Variants in ARHGEF10L observed in about 807,000 individuals in gnomAD.
The protein encoded by ARHGEF10L is Rho guanine nucleotide exchange factor 10 like, also known as rho guanine nucleotide exchange factor 10-like protein.
Under a neutral mutation model 141.2 loss-of-function variants are expected in ARHGEF10L, and 69 were observed. The observed-to-expected ratio is 0.49, with a 90% CI of 0.40 to 0.60. The LOEUF is 0.60. Ranked by LOEUF, ARHGEF10L falls within the 20% of genes least tolerant of loss-of-function variation. ARHGEF10L has a pLI of 0.00. For synonymous variants in ARHGEF10L, 711 were observed against 718.5 expected (o/e 0.99, Z 0.17); for missense variants, 1,482 against 1,734.3 (o/e 0.85, Z 2.58).
At chr1:17,546,626 G>T (rs1409648491) in intron 1 of ARHGEF10L, among the ~76,000 whole-genome samples, 1 of 152,154 alleles carries the variant, frequency 6.6e-6, no homozygotes, top group Non-Finnish European at 1.5e-5. Flanking sequence ...CCTTTGAGGA[G>T]GGGAGGGAGA....
chr1:17,612,326 G>A (rs928553178), intron 7 of ARHGEF10L, among the ~76,000 whole-genome samples: 11 of 151,470 alleles, frequency 7.3e-5, no homozygotes, highest in East Asian at 3.9e-4. Context: ...TTCTCCTACC[G>A]TCCATCCATC....
At chr1:17,632,529 C>G in intron 16 of ARHGEF10L, 63 bp downstream of exon 16, 3 of 1,605,352 alleles carry the variant, frequency 1.9e-6, no homozygotes, top group South Asian at 1.1e-5. Flanking sequence ...CCGCCCTACT[C>G]CAGTCTCTTG....
In ARHGEF10L at chr1:17,664,559, G is replaced by C. The variant is rs2062850288; in HGVS notation, c.2973G>C (p.Arg991=). The C allele has an allele frequency of 1.2e-6, 2 of 1,606,156 alleles. No homozygotes were observed. Among genetic ancestry groups the C allele is most frequent in the Non-Finnish European group, 1.7e-6 (2 of 1,178,442 alleles). ...EDAVWASCGP[R]VTVLEATTLQ... is the part of the protein sequence containing the mutation. ...CCGTGTGGGCCAGCTGTGGGCCCCG[G>C]GTCACTGTCCTGGAAGCCACCACCC... is the stretch of plus-strand genomic sequence containing the variant. The change falls in exon 26 of 29, where the codon CGG becomes CGC. Residue 991 remains arginine (R), a synonymous_variant. Coordinates refer to ENST00000361221, the MANE Select transcript of ARHGEF10L (RefSeq NM_018125.4).
chr1:17,540,534 G>C (rs2076686420), intron 1 of ARHGEF10L, among the ~76,000 whole-genome samples: 1 of 152,168 alleles, frequency 6.6e-6, no homozygotes, highest in African/African-American at 2.4e-5. Flanking sequence ...TATATGTCAG[G>C]GAGGGCCCTA....
At chr1:17,525,583 C>T in the ARHGEF10L span, among the ~76,000 whole-genome samples, 1 of 152,162 alleles carries the variant, frequency 6.6e-6, no homozygotes, top group Non-Finnish European at 1.5e-5. Flanking sequence ...CGCCTGAGTC[C>T]AGAAGTTCAA....
chr1:17,610,568 G>A (rs1022725072), intron 7 of ARHGEF10L, among the ~76,000 whole-genome samples: 3 of 152,230 alleles, frequency 2.0e-5, no homozygotes, highest in African/African-American at 7.2e-5. Context: ...GGACTCTACT[G>A]AGCCTGCCTG....
chr1:17,616,580 C>T (rs961774210), intron 9 of ARHGEF10L, among the ~76,000 whole-genome samples: 2 of 152,350 alleles, frequency 1.3e-5, no homozygotes, highest in South Asian at 2.1e-4. Context: ...CTGACATTTA[C>T]GGAATCCTAC....
At chr1:17,551,927 TC>T (rs2077126917) in intron 1 of ARHGEF10L, among the ~76,000 whole-genome samples, 1 of 152,098 alleles carries the variant, frequency 6.6e-6, no homozygotes, top group African/African-American at 2.4e-5. Flanking sequence ...CCGTCCACAG[TC>T]CCCGTGTGGC....
chr1:17,627,655 G>A lies in ARHGEF10L; in HGVS notation c.1584+152G>A. 2.2e-6 allele frequency: 2 copies of A among 919,136 alleles called. No homozygotes were observed. The highest frequency in any genetic ancestry group is 3.2e-6 in the Non-Finnish European group (2 of 625,490). 56.9% of individuals were successfully genotyped at this position (919,136 alleles called of 1,614,324 possible). A position where few individuals can be genotyped will look rare whatever the true frequency, so the allele number is the denominator to read the frequency against. ...TCCAAGGATGTGACCTTGGGGATTGGATCCTCAGCGGGACCCCCACGTTCA... is the reference window on the plus strand; with the variant it reads ...TCCAAGGATGTGACCTTGGGGATTGAATCCTCAGCGGGACCCCCACGTTCA... On this transcript the variant is annotated intron_variant, in intron 15 of 28. Transcript: ENST00000361221. The surrounding 1 kb of genome is among the most constrained non-coding windows in gnomAD (Gnocchi z 4.0).
intron 16 of ARHGEF10L, 113 bp from the exon 17 acceptor site, chr1:17,634,435 C>T: frequency 1.3e-6 from 2 of 1,560,540 alleles, no homozygotes; most frequent in African/African-American, 1.4e-5. Flanking sequence ...GGCTGTCTCT[C>T]CTTCTATTCC....
At chr1:17,696,782 A>T in intron 28 of ARHGEF10L, 66 bp from the exon 29 acceptor site, 2 of 1,426,276 alleles carry the variant, frequency 1.4e-6, no homozygotes, top group Non-Finnish European at 1.9e-6. Context: ...CAGGAGAGAG[A>T]CTCAGGTGCT....
chr1:17,517,174 C>G, the ARHGEF10L span, among the ~76,000 whole-genome samples: 2 of 152,144 alleles, frequency 1.3e-5, no homozygotes, highest in Admixed American at 1.3e-4. Context: ...TGGATTTGGT[C>G]AGCCCTTCAT....
At chr1:17,580,471 G>T (rs900240377) in intron 1 of ARHGEF10L, 82 bp from the exon 2 acceptor site, 11 of 1,265,572 alleles carry the variant, frequency 8.7e-6, no homozygotes, top group Non-Finnish European at 2.3e-6. Flanking sequence ...TGAAGCACAG[G>T]TTGTGAGCCA....
the ARHGEF10L span, among the ~76,000 whole-genome samples, chr1:17,521,797 T>C: frequency 2.6e-5 from 4 of 151,982 alleles, no homozygotes; most frequent in Admixed American, 2.6e-4. Context: ...CATAGGAGAA[T>C]GGGGCTTCCT....
At chr1:17,666,079 A>G (rs1178351812) in intron 26 of ARHGEF10L, among the ~76,000 whole-genome samples, 1 of 152,346 alleles carries the variant, frequency 6.6e-6, no homozygotes, top group African/African-American at 2.4e-5. Context: ...AGGCTTCAGC[A>G]GATTGGGTGA....
At chr1:17,548,421 G>T (rs1163581633) in intron 1 of ARHGEF10L, among the ~76,000 whole-genome samples, 1 of 152,112 alleles carries the variant, frequency 6.6e-6, no homozygotes, top group Admixed American at 6.6e-5. Flanking sequence ...ACTCTTAGGG[G>T]TCAGTAAATT....
chr1:17,629,200 T>C (rs1376827187), intron 15 of ARHGEF10L, among the ~76,000 whole-genome samples: 2 of 151,650 alleles, frequency 1.3e-5, no homozygotes, highest in African/African-American at 2.4e-5. Flanking sequence ...AATTTTTTTT[T>C]TTTTTTTGTA....
In ARHGEF10L at chr1:17,588,456, A is replaced by G. The variant is rs770460733; in HGVS notation, c.234A>G (p.Pro78=). The G allele has an allele frequency of 2.5e-6, 4 of 1,613,976 alleles. No individual in the cohort carries two copies. The highest frequency in any genetic ancestry group is 2.7e-5 in the African/African-American group (2 of 75,018). ...LDSIPVTDPD[P]AAAPPGTGVP... ...GCTCTTCTTTTGCAGACCCAGACCC[A>G]GCAGCTGCTCCACCCGGCACAGGGT... Residue 78 remains proline, a synonymous_variant, in exon 4 of 29, where the codon CCA becomes CCG. Transcript: ENST00000361221.
chr1:17,593,085 C>T (rs1165691331), intron 4 of ARHGEF10L, among the ~76,000 whole-genome samples: 1 of 152,148 alleles, frequency 6.6e-6, no homozygotes, highest in Non-Finnish European at 1.5e-5. Context: ...ACAGCCTCTT[C>T]ATTGAAGAAG....
Sources: allele counts gnomAD v4.1 joint callset (sites outside exome capture counted in the v4.1 genomes callset), GRCh38; gene constraint gnomAD v4.1.1; non-coding constraint Gnocchi (gnomAD v3.1); transcripts MANE v1.5; gene names NCBI Gene and HGNC (gene_info 2026-07-23, HGNC 2026-07-21).